LDLRAD4: variants seen among roughly 807,000 people sequenced by gnomAD.
The protein encoded by LDLRAD4 is low-density lipoprotein receptor class A domain-containing protein 4.
A neutral mutation model predicts 17.0 loss-of-function variants in LDLRAD4; 5 were observed. That is an observed-to-expected ratio of 0.29 (90% CI 0.15 to 0.62). The LOEUF is 0.62. Among genes scored for constraint, LDLRAD4 ranks in the 20% least tolerant of loss-of-function variants. The pLI, the probability that LDLRAD4 is intolerant of heterozygous loss-of-function variation, is 0.84. For synonymous variants in LDLRAD4, 168 were observed against 171.8 expected (o/e 0.98, Z 0.17); for missense variants, 340 against 424.7 (o/e 0.80, Z 1.75).
At chr18:13,354,498 G>A (rs1384032040) in intron 1 of LDLRAD4, among the ~76,000 whole-genome samples, 2 of 152,180 alleles carry the variant, frequency 1.3e-5, no homozygotes, top group Non-Finnish European at 2.9e-5. Flanking sequence ...AGGCTACTGT[G>A]ATTAGAAATT....
intron 3 of LDLRAD4, among the ~76,000 whole-genome samples, chr18:13,473,109 A>G (rs938160181): frequency 2.7e-5 from 4 of 150,914 alleles, no homozygotes; most frequent in Non-Finnish European, 5.9e-5. Context: ...GGATTGAAGC[A>G]TTTGAAGGCA....
chr18:13,228,234 G>A (rs2041907371), intron 1 of LDLRAD4, among the ~76,000 whole-genome samples: 1 of 152,210 alleles, frequency 6.6e-6, no homozygotes. Flanking sequence ...CTAATGGGGT[G>A]GCAGTCCTCC....
At chr18:13,619,160 C>G (rs1289845765) in intron 3 of LDLRAD4, among the ~76,000 whole-genome samples, 1 of 152,130 alleles carries the variant, frequency 6.6e-6, no homozygotes, top group Non-Finnish European at 1.5e-5. Context: ...AGCTGCCTCC[C>G]GTGTCAAGAG....
At chr18:13,399,745 C>G (rs1254470581) in intron 2 of LDLRAD4, among the ~76,000 whole-genome samples, 1 of 152,208 alleles carries the variant, frequency 6.6e-6, no homozygotes. Context: ...CTGCTGTAAA[C>G]TCACGTGAAC....
chr18:13,381,899 G>T (rs1003953484), intron 1 of LDLRAD4, among the ~76,000 whole-genome samples: 12 of 152,164 alleles, frequency 7.9e-5, no homozygotes, highest in Non-Finnish European at 1.3e-4. Flanking sequence ...AAATTTTGCA[G>T]CAGAGCCCCA....
intron 1 of LDLRAD4, among the ~76,000 whole-genome samples, chr18:13,287,189 CAGG>C (rs754362570): frequency 5.3e-5 from 8 of 152,176 alleles, no homozygotes; most frequent in Non-Finnish European, 7.3e-5. Flanking sequence ...CTCTGGAGAG[CAGG>C]AGAAGTCTGC....
intron 1 of LDLRAD4, among the ~76,000 whole-genome samples, chr18:13,316,791 G>T (rs1001064185): frequency 2.0e-5 from 3 of 152,212 alleles, no homozygotes; most frequent in African/African-American, 7.2e-5. Flanking sequence ...CATGATGCAT[G>T]TGGTGACAGA....
intron 4 of LDLRAD4, 134 bp from the exon 6 acceptor site, chr18:13,643,225 C>T: frequency 3.6e-6 from 2 of 551,376 alleles, no homozygotes; most frequent in African/African-American, 2.0e-5. Flanking sequence ...TGAGCCATGG[C>T]GCCCGGCCTC....
intron 1 of LDLRAD4, among the ~76,000 whole-genome samples, chr18:13,345,560 G>C (rs1470931746): frequency 3.3e-5 from 5 of 152,026 alleles, no homozygotes; most frequent in Non-Finnish European, 4.4e-5. Context: ...TGTTGTGTCT[G>C]TGCCAGGCTT....
At chr18:13,418,545 A>G (rs2089149969) in intron 2 of LDLRAD4, among the ~76,000 whole-genome samples, 1 of 152,170 alleles carries the variant, frequency 6.6e-6, no homozygotes. Context: ...ATTCCATTGC[A>G]GGCCCTGTTG....
intron 1 of LDLRAD4, among the ~76,000 whole-genome samples, chr18:13,328,918 G>A (rs1336810664): frequency 1.3e-5 from 2 of 152,084 alleles, no homozygotes; most frequent in Admixed American, 6.6e-5. Flanking sequence ...TTATGTATAA[G>A]TTGTGGAGTC....
intron 3 of LDLRAD4, chr18:13,615,080 A>T (rs973677077): frequency 5.9e-5 from 9 of 152,384 alleles, no homozygotes; most frequent in African/African-American, 2.2e-4. Context: ...AAAGGCCAGC[A>T]CGTAGGGGAG....
Position 13,621,419 on chromosome 18 carries a change from C to G in LDLRAD4, c.336+148C>G. The G allele has an allele frequency of 1.5e-6, 1 of 646,012 alleles. No individual in the cohort carries two copies. The highest frequency in any genetic ancestry group is 2.7e-6 in the Non-Finnish European group (1 of 363,990). 40.0% of individuals were successfully genotyped at this position (646,012 alleles called of 1,614,324 possible). ...CGTAAGTGTTCCACTTAGTGAGTCC[C>G]CACAAACTGAACACACCAGTGTGAC... On this transcript the variant is annotated intron_variant, in intron 4 of 5. Transcript: ENST00000359446. The surrounding 1 kb of genome is among the most constrained non-coding windows in gnomAD (Gnocchi z 5.5).
intron 2 of LDLRAD4, among the ~76,000 whole-genome samples, chr18:13,409,150 C>T (rs931677085): frequency 6.6e-6 from 1 of 152,148 alleles, no homozygotes; most frequent in South Asian, 2.1e-4. Context: ...TATAATCACA[C>T]TGTTTATTGT....
intron 2 of LDLRAD4, among the ~76,000 whole-genome samples, chr18:13,427,837 C>CGAGA (rs943109222): frequency 2.6e-5 from 4 of 152,024 alleles, no homozygotes; most frequent in African/African-American, 9.7e-5. Flanking sequence ...TCTTTTATCT[C>CGAGA]CTTCCTGCCT....
At chr18:13,529,483 G>C (rs150511688) in intron 3 of LDLRAD4, among the ~76,000 whole-genome samples, 38 of 152,318 alleles carry the variant, frequency 2.5e-4, no homozygotes, top group African/African-American at 8.9e-4. Context: ...GGCTGTCGCG[G>C]TGCAAGACTT....
chr18:13,223,392 T>C (rs2041573035), intron 1 of LDLRAD4, among the ~76,000 whole-genome samples: 1 of 152,344 alleles, frequency 6.6e-6, no homozygotes, highest in South Asian at 2.1e-4. Flanking sequence ...TTCGACTTCC[T>C]GCCTCTGGGG....
At chr18:13,377,492 A>G (rs2085009179) in intron 1 of LDLRAD4, among the ~76,000 whole-genome samples, 1 of 152,168 alleles carries the variant, frequency 6.6e-6, no homozygotes, top group Non-Finnish European at 1.5e-5. Context: ...CTAGGGTGGC[A>G]CGCGATTAAC....
In LDLRAD4 at chr18:13,294,184, C is replaced by T. The variant is rs564741320; in HGVS notation, c.-383+15996C>T. Reference sequence around the variant, plus strand: ...GCGCATAAATGGGTTAATTAACCTCCGGTGATTTAAGTTTAACTCTGTAAA... The same window carrying T: ...GCGCATAAATGGGTTAATTAACCTCTGGTGATTTAAGTTTAACTCTGTAAA... On this transcript the variant is annotated intron_variant, in intron 1 of 5. Transcript: ENST00000359446. Among the ~76,000 whole-genome samples the T allele has an allele frequency of 3.9e-5, 6 of 152,336 alleles. No individual in the cohort carries two copies. The East Asian group carries it at 7.7e-4, about 20-fold the overall frequency.
Sources: allele counts gnomAD v4.1 joint callset (sites outside exome capture counted in the v4.1 genomes callset), GRCh38; gene constraint gnomAD v4.1.1; non-coding constraint Gnocchi (gnomAD v3.1); transcripts MANE v1.5; gene names NCBI Gene and HGNC (gene_info 2026-07-23, HGNC 2026-07-21).